Variants in CAPN9 observed in about 807,000 individuals in gnomAD.
CAPN9 encodes calpain-9.
In CAPN9, 81 loss-of-function variants were observed where a neutral mutation model predicts 92.8. That is an observed-to-expected ratio of 0.87 (90% confidence interval 0.73 to 1.05). CAPN9 has a LOEUF of 1.05. Among genes scored for constraint, CAPN9 ranks in the 50% least tolerant of loss-of-function variants. The pLI, the probability that CAPN9 is intolerant of heterozygous loss-of-function variation, is 0.00. For synonymous variants in CAPN9, 304 were observed against 328.0 expected (o/e 0.93, Z 0.79); for missense variants, 848 against 866.2 (o/e 0.98, Z 0.26).
At position 230,780,649 on chromosome 1, in the gene CAPN9, G is replaced by C; in HGVS notation, c.1422G>C (p.Glu474Asp). 1.2e-6 allele frequency: 2 copies of C among 1,614,076 alleles called. No homozygotes were observed. Among genetic ancestry groups the C allele is most frequent in the Non-Finnish European group, 1.7e-6 (2 of 1,180,008 alleles). ...GEYILIPSTF[E>D]PHQEADFCLR... ...ACATCCTGATTCCCAGCACTTTTGA[G>C]CCCCACCAGGAAGCTGATTTCTGTC... Residue 474 changes from glutamate to aspartate, a missense_variant, in exon 11 of 20, where the codon GAG (glutamate) becomes GAC (aspartate). By Grantham distance (45) the Glu-to-Asp change is conservative (BLOSUM62 2). Coordinates refer to ENST00000271971, the MANE Select transcript of CAPN9 (RefSeq NM_006615.3).
At chr1:230,800,303 A>G (rs928199741) in intron 19 of CAPN9, among the ~76,000 whole-genome samples, 3 of 69,182 alleles carry the variant, frequency 4.3e-5, no homozygotes, top group East Asian at 2.8e-4. Context: ...AGAAAGAAAG[A>G]AAGGAAAAAC....
intron 11 of CAPN9, among the ~76,000 whole-genome samples, chr1:230,785,680 C>G (rs1667532565): frequency 6.6e-6 from 1 of 152,210 alleles, no homozygotes; most frequent in Non-Finnish European, 1.5e-5. Flanking sequence ...CCTGTAGAAC[C>G]ATGAGCCAAT....
At chr1:230,773,467 G>T (rs1666524085) in intron 7 of CAPN9, among the ~76,000 whole-genome samples, 2 of 152,254 alleles carry the variant, frequency 1.3e-5, no homozygotes, top group South Asian at 4.1e-4. Flanking sequence ...CCCATTTTCT[G>T]GGACTCACAG....
chr1:230,771,788 A>G (rs1347826961), intron 6 of CAPN9, among the ~76,000 whole-genome samples: 1 of 152,250 alleles, frequency 6.6e-6, no homozygotes, highest in East Asian at 1.9e-4. Context: ...GGTGCTTAAT[A>G]TAATATCATT....
Position 230,792,755 on chromosome 1 carries a change from G to A in CAPN9, c.1792-95G>A, listed in dbSNP as rs375187947. On this transcript the variant is annotated intron_variant, in intron 16 of 19. Transcript: ENST00000271971. ...ACTGTGGCCTCTGCGGCCCCTAGAG[G>A]GTAGCTCCCCCGGGCTGGCTGTCAC... 34 of 1,060,756 alleles carry A rather than the reference G, an allele frequency of 3.2e-5. No homozygotes were observed. In the East Asian group the frequency reaches 6.8e-4, roughly 21 times the overall value. 65.7% of individuals were successfully genotyped at this position (1,060,756 alleles called of 1,614,324 possible).
Position 230,780,558 on chromosome 1 carries a change from C to G in CAPN9, c.1331C>G (p.Ala444Gly), listed in dbSNP as rs745649541. The change falls in exon 11 of 20, where the codon GCC becomes GGC. Residue 444 changes from alanine to glycine, a missense_variant. Physicochemically the swap from Ala to Gly is moderately conservative, Grantham distance 60. Coordinates refer to ENST00000271971, the MANE Select transcript of CAPN9 (RefSeq NM_006615.3). ...KDFFRYHASR[A>G]RSKTFINLRE... ...TTCTTCAGATACCACGCTTCTCGGG[C>G]CAGAAGCAAGACGTTCATCAACCTG... The G allele has an allele frequency of 1.2e-6, 2 of 1,614,050 alleles. No individual in the cohort carries two copies. Among genetic ancestry groups the G allele is most frequent in the African/African-American group, 1.3e-5 (1 of 74,910 alleles).
At chr1:230,798,437 CCA>C (rs1668482899) in intron 19 of CAPN9, among the ~76,000 whole-genome samples, 1 of 152,184 alleles carries the variant, frequency 6.6e-6, no homozygotes, top group Admixed American at 6.5e-5. Flanking sequence ...AATAGTATCC[CCA>C]TTTTGCAGGG....
intron 6 of CAPN9, 44 bp from the exon 7 acceptor site, chr1:230,771,970 C>T: frequency 1.3e-6 from 2 of 1,526,170 alleles, no homozygotes; most frequent in Non-Finnish European, 1.8e-6. Flanking sequence ...CAAACCTCCA[C>T]CATATTTATC....
rs10436989 is a variant in CAPN9 at position 230,764,556 on chromosome 1, A to T, written c.536+1770A>T. 1.0e-2 allele frequency among the ~76,000 whole-genome samples: 1,516 copies of T among 152,344 alleles called. 33 individuals carry two copies. Among genetic ancestry groups the T allele is most frequent in the African/African-American group, 0.034 (1,422 of 41,580 alleles). On this transcript the variant is annotated intron_variant, in intron 4 of 19. Transcript: ENST00000271971. ...CAAACGTATGAAATAACCTCATTGA[A>T]GGGGTTGGAGAGAAAGGTGCTGACC...
At chr1:230,763,155 T>A (rs1229064922) in intron 4 of CAPN9, among the ~76,000 whole-genome samples, 2 of 152,226 alleles carry the variant, frequency 1.3e-5, no homozygotes. Flanking sequence ...CGCACGTTGA[T>A]ATAGAGACAT....
At chr1:230,778,440 C>T (rs1313743351) in intron 8 of CAPN9, among the ~76,000 whole-genome samples, 2 of 152,204 alleles carry the variant, frequency 1.3e-5, no homozygotes, top group African/African-American at 4.8e-5. Flanking sequence ...TAAAAGCTCT[C>T]CATCTTCTCA....
Position 230,795,399 on chromosome 1 carries a change from T to G in CAPN9, c.1987+120T>G, listed in dbSNP as rs1668286111. ...AAAGATAGACCACAGAGAGCCATGG[T>G]CTGATGTGTGTGGACCCATGGGCCT... On this transcript the variant is annotated intron_variant, in intron 18 of 19. Transcript: ENST00000271971. The G allele has an allele frequency of 1.9e-5, 13 of 668,170 alleles. No homozygotes were observed. In the Admixed American group the frequency reaches 2.8e-4, roughly 14 times the overall value. The allele number at this position is 668,170 out of a possible 1,614,324, so 41.4% of individuals were successfully genotyped here.
At chr1:230,800,667 T>G (rs1035572203) in intron 19 of CAPN9, among the ~76,000 whole-genome samples, 51 of 152,268 alleles carry the variant, frequency 3.3e-4, no homozygotes, top group African/African-American at 1.2e-3. Flanking sequence ...CATCTTTACA[T>G]CTGGCTGCAT....
intron 8 of CAPN9, 111 bp from the exon 9 acceptor site, chr1:230,778,862 G>A (rs769809064): frequency 3.7e-5 from 37 of 1,013,482 alleles, no homozygotes; most frequent in East Asian, 5.4e-5. Context: ...CACTCCTTGC[G>A]GACAGGAACA....
rs752017982 is a variant in CAPN9 at position 230,790,140 on chromosome 1, G to T, written c.1608G>T (p.Glu536Asp). ...TGTCTCCACTTCAACAGGACATGGA[G>T]GTGACAGCAGAGGAACTTGAGTATG... The part of the protein sequence containing the change: ...LFEQVAGEDM[E>D]VTAEELEYVL... The change falls in exon 14 of 20, where the codon GAG becomes GAT. Residue 536 changes from glutamate to aspartate, a missense_variant. Physicochemically the swap from Glu to Asp is conservative, Grantham distance 45. Transcript: ENST00000271971. 6.2e-7 allele frequency: 1 copy of T among 1,613,540 alleles called. No homozygotes were observed. Among genetic ancestry groups the T allele is most frequent in the Non-Finnish European group, 8.5e-7 (1 of 1,179,546 alleles).
intron 1 of CAPN9, among the ~76,000 whole-genome samples, chr1:230,753,077 G>A (rs1664952571): frequency 6.6e-6 from 1 of 152,196 alleles, no homozygotes; most frequent in South Asian, 2.1e-4. Context: ...ACAGATGAGA[G>A]GGGTCCGCAC....
chr1:230,796,358 ATAAAT>A (rs1465403382), intron 18 of CAPN9, among the ~76,000 whole-genome samples: 1 of 149,376 alleles, frequency 6.7e-6, no homozygotes, highest in African/African-American at 2.4e-5. Context: ...AAATAAATAA[ATAAAT>A]AAATAAATAA....
At chr1:230,787,484 T>C (rs1469280453) in intron 12 of CAPN9, 38 bp from the exon 13 acceptor site, 1 of 1,564,226 alleles carries the variant, frequency 6.4e-7, no homozygotes, top group Non-Finnish European at 8.8e-7. Context: ...TTCTTTTTTG[T>C]GGATCATTTT....
intron 7 of CAPN9, among the ~76,000 whole-genome samples, chr1:230,772,365 T>A (rs28359656): frequency 1.3e-5 from 2 of 152,348 alleles, no homozygotes; most frequent in Admixed American, 1.3e-4. Context: ...ATGTGTTACC[T>A]CCCATGGTGA....
Sources: gnomAD v4.1 joint callset for allele counts (sites outside exome capture counted in the v4.1 genomes callset) on GRCh38, gnomAD v4.1.1 for gene constraint, MANE v1.5 for transcripts, NCBI Gene and HGNC (gene_info 2026-07-23, HGNC 2026-07-21) for gene names.